Variants in FAM91A1 observed in about 807,000 individuals in gnomAD.
The protein encoded by FAM91A1 is protein FAM91A1.
Under a neutral mutation model 113.5 loss-of-function variants are expected in FAM91A1, and 41 were observed. The ratio of observed to expected loss-of-function variants is 0.36; its 90% CI spans 0.28 to 0.47. FAM91A1 has a LOEUF of 0.47. Ranked by LOEUF, FAM91A1 falls within the 20% of genes least tolerant of loss-of-function variation. FAM91A1 has a pLI of 1.00. For missense variants in FAM91A1, 696 were observed against 1,001.2 expected, an observed-to-expected ratio of 0.70 and a Z score of 4.11; for synonymous variants, 307 against 347.9, an observed-to-expected ratio of 0.88 and a Z score of 1.31.
At position 123,813,453 on chromosome 8, in the gene FAM91A1, T is replaced by G. The variant is rs771671932; in HGVS notation, c.*749T>G. The G allele has an allele frequency of 1.3e-5, 2 of 152,604 alleles. No homozygotes were observed. The highest frequency in any genetic ancestry group is 1.5e-5 in the Non-Finnish European group (1 of 68,006). 9.5% of individuals were successfully genotyped at this position (152,604 alleles called of 1,614,324 possible). A position where few individuals can be genotyped will look rare whatever the true frequency, so the allele number is the denominator to read the frequency against. ...AGAGTCTTTATGGAAAAAATAGAAT[T>G]TATTTTCCACTCTTGTAGCTATAGC... On this transcript the variant is annotated 3_prime_UTR_variant, in exon 24 of 24. Transcript: ENST00000334705.
intron 6 of FAM91A1, among the ~76,000 whole-genome samples, chr8:123,779,784 A>C (rs991241883): frequency 1.3e-5 from 2 of 152,184 alleles, no homozygotes; most frequent in African/African-American, 4.8e-5. Flanking sequence ...TGTTCTCTAC[A>C]TTCTGTTGGT....
In FAM91A1 at chr8:123,786,348, A is replaced by G. The variant is rs1815257008; in HGVS notation, c.963-147A>G. The G allele has an allele frequency of 8.0e-6, 5 of 624,732 alleles. No individual in the cohort carries two copies. In the South Asian group the frequency reaches 8.3e-5, roughly 10 times the overall value. The allele number at this position is 624,732 out of a possible 1,614,324, so 38.7% of individuals were successfully genotyped here. A position where few individuals can be genotyped will look rare whatever the true frequency, so the allele number is the denominator to read the frequency against. ...AACCCTTGTTGTATGTAGGCAGAGC[A>G]TTTTTGGGCTGCGACTTAATTTTGG... On this transcript the variant is annotated intron_variant, in intron 11 of 23. Coordinates refer to ENST00000334705, the MANE Select transcript of FAM91A1 (RefSeq NM_144963.4).
chr8:123,788,549 T>C (rs1586380546), intron 14 of FAM91A1, among the ~76,000 whole-genome samples: 1 of 152,180 alleles, frequency 6.6e-6, no homozygotes, highest in African/African-American at 2.4e-5. Flanking sequence ...TGCAGAAATA[T>C]GTGTGAGATA....
chr8:123,769,222 T>G (rs28412991), intron 1 of FAM91A1, among the ~76,000 whole-genome samples: 16,936 of 152,254 alleles, frequency 0.11, 1,516 homozygotes, highest in African/African-American at 0.25. Flanking sequence ...GGAAGGATTT[T>G]TAAGGCAGGC....
rs565171756 is a variant in FAM91A1 at position 123,814,297 on chromosome 8, A to G, written c.*1593A>G. Reference sequence around the variant, plus strand: ...TTGTACATTCCTAGTGCCATTAGGTATGTATGTATGTAACTTTTACAGTTT... The same window carrying G: ...TTGTACATTCCTAGTGCCATTAGGTGTGTATGTATGTAACTTTTACAGTTT... On this transcript the variant is annotated 3_prime_UTR_variant, in exon 24 of 24. Transcript: ENST00000334705. The G allele has an allele frequency of 1.4e-5, 3 of 214,128 alleles. No homozygotes were observed. Among genetic ancestry groups the G allele is most frequent in the Non-Finnish European group, 2.9e-5 (3 of 104,664 alleles). 13.3% of individuals were successfully genotyped at this position (214,128 alleles called of 1,614,324 possible).
At chr8:123,769,917 G>A (rs1478416573) in intron 1 of FAM91A1, among the ~76,000 whole-genome samples, 1 of 152,068 alleles carries the variant, frequency 6.6e-6, no homozygotes, top group Non-Finnish European at 1.5e-5. Flanking sequence ...TTGGAATGGT[G>A]GCGGTGATGG....
chr8:123,797,211 A>G (rs1815546407), intron 15 of FAM91A1, among the ~76,000 whole-genome samples: 1 of 152,154 alleles, frequency 6.6e-6, no homozygotes. Flanking sequence ...TTGACATTAG[A>G]CCGTCTGGCA....
chr8:123,769,717 A>G (rs1250161893), intron 1 of FAM91A1, among the ~76,000 whole-genome samples: 1 of 152,182 alleles, frequency 6.6e-6, no homozygotes, highest in Non-Finnish European at 1.5e-5. Flanking sequence ...CTAAAGAAAG[A>G]CGTAAACAAA....
At chr8:123,787,590 A>G in intron 13 of FAM91A1, 74 bp from the exon 14 acceptor site, 1 of 1,229,298 alleles carries the variant, frequency 8.1e-7, no homozygotes, top group Non-Finnish European at 1.1e-6. Flanking sequence ...TGAAAGGATA[A>G]TATAAATATT....
In FAM91A1 at chr8:123,808,945, A is replaced by C. The variant is rs1045305166; in HGVS notation, c.2190A>C (p.Pro730=). Residue 730 remains proline, a synonymous_variant, in exon 22 of 24, where the codon CCA becomes CCC. Transcript: ENST00000334705. ...WVPLELCFGI[P]LFSSELNRKV... is the part of the protein sequence containing the mutation. Reference sequence around the variant, plus strand: ...CTCTCGAGCTGTGCTTTGGAATTCCACTGTTCAGTTCCGAATTAAACCGGA... The same window carrying C: ...CTCTCGAGCTGTGCTTTGGAATTCCCCTGTTCAGTTCCGAATTAAACCGGA... 1 of 1,612,732 alleles carries C rather than the reference A, an allele frequency of 6.2e-7. No homozygotes were observed. The highest frequency in any genetic ancestry group is 1.3e-5 in the African/African-American group (1 of 74,878).
chr8:123,793,070 A>G (rs957488706), intron 15 of FAM91A1, among the ~76,000 whole-genome samples: 1 of 152,152 alleles, frequency 6.6e-6, no homozygotes, highest in African/African-American at 2.4e-5. Flanking sequence ...CCCAGAAAAT[A>G]TGCTGACGTT....
rs1342891153 is a variant in FAM91A1, at chr8:123,799,584, C to T, written c.1625C>T (p.Thr542Ile). The change falls in exon 17 of 24, where the codon ACT (threonine) becomes ATT (isoleucine). Residue 542 changes from threonine (T) to isoleucine (I), a missense_variant. By Grantham distance (89) the Thr-to-Ile change is moderately conservative. Transcript: ENST00000334705. ...VWFKLYIYHVTGQGPPSLLLS... is the reference protein window; with the variant it reads ...VWFKLYIYHVIGQGPPSLLLS... Reference sequence around the variant, plus strand: ...TTTAAACTGTACATTTATCATGTCACTGGACAAGGACCACCATCCCTTTTA... The same window carrying T: ...TTTAAACTGTACATTTATCATGTCATTGGACAAGGACCACCATCCCTTTTA... 1.2e-6 allele frequency: 2 copies of T among 1,613,970 alleles called. No individual in the cohort carries two copies. The highest frequency in any genetic ancestry group is 1.7e-6 in the Non-Finnish European group (2 of 1,179,982).
rs775303795 is a variant in FAM91A1, at chr8:123,768,660, G to A, written c.-43G>A. The A allele has an allele frequency of 3.9e-6, 6 of 1,536,272 alleles. No homozygotes were observed. The East Asian group carries it at 1.5e-4, about 38-fold the overall frequency. ...GCGGGCAGGCGGGAGGCGTAGTGTGGGTCGCGGTGGCGGCCCCGGCCGCCG... is the reference window on the plus strand; with the variant it reads ...GCGGGCAGGCGGGAGGCGTAGTGTGAGTCGCGGTGGCGGCCCCGGCCGCCG... On this transcript the variant is annotated 5_prime_UTR_variant, in exon 1 of 24. Transcript: ENST00000334705.
Position 123,799,500 on chromosome 8 carries a change from T to A in FAM91A1, c.1561-20T>A. ...GTAACACTTTATTTTAACTTTATCT[T>A]AACTGTTTTATGATTGTAGCATATT... On this transcript the variant is annotated intron_variant, in intron 16 of 23. Coordinates refer to ENST00000334705, the MANE Select transcript of FAM91A1 (RefSeq NM_144963.4). The A allele has an allele frequency of 6.2e-7, 1 of 1,602,348 alleles. No homozygotes were observed. Among genetic ancestry groups the A allele is most frequent in the Non-Finnish European group, 8.5e-7 (1 of 1,176,452 alleles).
At chr8:123,812,389 TGCATC>T in intron 23 of FAM91A1, 125 bp from the exon 24 acceptor site, 1 of 561,844 alleles carries the variant, frequency 1.8e-6, no homozygotes, top group Non-Finnish European at 2.8e-6. Flanking sequence ...TGTAGATCTT[TGCATC>T]TCCTGTACTG....
At chr8:123,809,051 C>T in intron 22 of FAM91A1, 35 bp downstream of exon 22, 2 of 1,601,536 alleles carry the variant, frequency 1.2e-6, no homozygotes, top group South Asian at 1.1e-5. Context: ...ATTTTCATAT[C>T]AATTTTTAAG....
At chr8:123,768,853 C>T (rs1814771632) in intron 1 of FAM91A1, 79 bp downstream of exon 1, 1 of 1,428,866 alleles carries the variant, frequency 7.0e-7, no homozygotes, top group Admixed American at 1.9e-5. Context: ...CTCGCGGGGC[C>T]CGAGCGGGCT....
intron 12 of FAM91A1, 42 bp downstream of exon 12, chr8:123,786,652 A>G: frequency 7.1e-7 from 1 of 1,409,692 alleles, no homozygotes; most frequent in Non-Finnish European, 1.0e-6. Flanking sequence ...GTCTGTAGGT[A>G]CGGCACATGT....
Position 123,768,619 on chromosome 8 carries a change from C to T in FAM91A1, c.-84C>T. On this transcript the variant is annotated 5_prime_UTR_variant, in exon 1 of 24. Transcript: ENST00000334705. The stretch of plus-strand genomic sequence containing the variant: ...AGGCGCGGGGCCTCCCGCGTCGCTC[C>T]GCTGACAGGCTGCGGGCGGGCAGGC... 1 of 1,286,762 alleles carries T rather than the reference C, an allele frequency of 7.8e-7. No homozygotes were observed. The highest frequency in any genetic ancestry group is 1.4e-5 in the South Asian group (1 of 69,908). 79.7% of individuals were successfully genotyped at this position (1,286,762 alleles called of 1,614,324 possible).
Sources: allele counts gnomAD v4.1 joint callset (sites outside exome capture counted in the v4.1 genomes callset), GRCh38; gene constraint gnomAD v4.1.1; transcripts MANE v1.5; gene names NCBI Gene and HGNC (gene_info 2026-07-23, HGNC 2026-07-21).